Variants in TSFM observed in about 807,000 individuals in gnomAD.
TSFM encodes Ts translation elongation factor, mitochondrial, also known as elongation factor Ts, mitochondrial.
Under a neutral mutation model 33.4 loss-of-function variants are expected in TSFM, and 29 were observed. The ratio of observed to expected loss-of-function variants is 0.87; its 90% CI spans 0.65 to 1.18. TSFM has a LOEUF of 1.18. Among genes scored for constraint, TSFM ranks in the 50% most tolerant of loss-of-function variants. TSFM has a pLI of 0.00. For synonymous variants in TSFM, 178 were observed against 163.5 expected, an observed-to-expected ratio of 1.09 and a Z score of -0.68; for missense variants, 394 against 395.6, an observed-to-expected ratio of 1.00 and a Z score of 0.04.
At chr12:57,801,985 T>TA (rs1378886742), downstream of TSFM, among the ~76,000 whole-genome samples, 3 of 152,334 alleles carry the variant, frequency 2.0e-5, no homozygotes, top group African/African-American at 4.8e-5. Flanking sequence ...CACCTGGACT[T>TA]ACTGCTGTGG....
At chr12:57,789,916 T>C (rs957488341) in intron 4 of TSFM, among the ~76,000 whole-genome samples, 5 of 152,330 alleles carry the variant, frequency 3.3e-5, no homozygotes, top group East Asian at 3.9e-4. Flanking sequence ...TTTTTGTTTA[T>C]TCTTATCTTT....
intron 4 of TSFM, among the ~76,000 whole-genome samples, chr12:57,789,285 T>C (rs1487837171): frequency 1.3e-5 from 2 of 151,626 alleles, no homozygotes; most frequent in Non-Finnish European, 2.9e-5. Context: ...TTAAAAAAAA[T>C]CTTTTTGTAA....
At chr12:57,783,372 G>T (rs1955540598) in intron 2 of TSFM, 89 bp downstream of exon 2, 1 of 1,473,468 alleles carries the variant, frequency 6.8e-7, no homozygotes, top group African/African-American at 1.4e-5. Context: ...AAGTTAGACT[G>T]CTCTTCAGTG....
In TSFM at chr12:57,797,049, G is replaced by C. The variant is rs565260569; in HGVS notation, c.*466G>C. 1 of 985,526 alleles carries C rather than the reference G, an allele frequency of 1.0e-6. No homozygotes were observed. Among genetic ancestry groups the C allele is most frequent in the East Asian group, 1.1e-4 (1 of 8,822 alleles). 61.0% of individuals were successfully genotyped at this position (985,526 alleles called of 1,614,324 possible). ...ACCTAGAGTTGTCTGGAAAATGTGG[G>C]TTCTCTTCTTTGTGATTGTCTGTAG... On this transcript the variant is annotated 3_prime_UTR_variant, in exon 6 of 6. Coordinates refer to ENST00000652027, the MANE Select transcript of TSFM (RefSeq NM_005726.6).
downstream of TSFM, chr12:57,797,894 C>G (rs765241227): frequency 6.8e-6 from 11 of 1,611,970 alleles, no homozygotes; most frequent in Non-Finnish European, 9.3e-6. Context: ...AGAAAAGCCC[C>G]TTTTCTTTCT....
At chr12:57,789,176 G>A (rs1381947460) in intron 4 of TSFM, among the ~76,000 whole-genome samples, 4 of 151,884 alleles carry the variant, frequency 2.6e-5, no homozygotes, top group Non-Finnish European at 5.9e-5. Context: ...TGTTGGCCAG[G>A]CTGGTCTTGA....
At chr12:57,790,897 G>C (rs1279791850) in intron 4 of TSFM, among the ~76,000 whole-genome samples, 1 of 151,036 alleles carries the variant, frequency 6.6e-6, no homozygotes, top group East Asian at 1.9e-4. Flanking sequence ...ATAGAGATGA[G>C]GTTTCACCAT....
downstream of TSFM, chr12:57,800,725 A>T (rs1955828287): frequency 6.4e-6 from 1 of 155,842 alleles, no homozygotes; most frequent in African/African-American, 2.4e-5. Context: ...CTCCTGTCTC[A>T]GCCTCCCGAG....
chr12:57,802,192 A>C (rs1208169324), downstream of TSFM: 1 of 1,613,894 alleles, frequency 6.2e-7, no homozygotes, highest in Admixed American at 1.7e-5. Context: ...GCTAGGAACC[A>C]GCCTGTGAAG....
chr12:57,792,541 G>T (rs1211996903), intron 4 of TSFM, among the ~76,000 whole-genome samples: 2 of 151,990 alleles, frequency 1.3e-5, no homozygotes, highest in African/African-American at 4.8e-5. Context: ...TAACATTCTT[G>T]CCTTTATGAA....
chr12:57,795,598 A>G (rs1420781902), intron 5 of TSFM, among the ~76,000 whole-genome samples: 1 of 152,098 alleles, frequency 6.6e-6, no homozygotes, highest in African/African-American at 2.4e-5. Context: ...ACCACAACCT[A>G]TACAACCTAT....
chr12:57,787,927 A>AG (rs1210731633), intron 4 of TSFM, among the ~76,000 whole-genome samples: 1 of 152,046 alleles, frequency 6.6e-6, no homozygotes, highest in Non-Finnish European at 1.5e-5. Flanking sequence ...GAAAAAAAAA[A>AG]AGAGAGAGAG....
downstream of TSFM, chr12:57,799,671 G>T: frequency 7.2e-7 from 1 of 1,383,752 alleles, no homozygotes; most frequent in Non-Finnish European, 9.8e-7. Context: ...TGAGTTCCTA[G>T]GTAGCTCAGA....
chr12:57,801,271 T>C (rs1463093771), downstream of TSFM: 1 of 1,421,970 alleles, frequency 7.0e-7, no homozygotes, highest in Non-Finnish European at 9.9e-7. Context: ...AGGGACATCT[T>C]AGGTCTGGTC....
chr12:57,791,273 G>T (rs1955658925), intron 4 of TSFM, among the ~76,000 whole-genome samples: 1 of 152,176 alleles, frequency 6.6e-6, no homozygotes, highest in Non-Finnish European at 1.5e-5. Flanking sequence ...GCCTCCCAAA[G>T]TGCTGAGATT....
chr12:57,784,177 A>T, intron 2 of TSFM: 1 of 700,742 alleles, frequency 1.4e-6, no homozygotes. Flanking sequence ...AGTGGTAAGT[A>T]TTGTGTATCT....
downstream of TSFM, chr12:57,799,738 G>A (rs2140435112): frequency 6.2e-7 from 1 of 1,608,072 alleles, no homozygotes; most frequent in Non-Finnish European, 8.5e-7. Flanking sequence ...GCTGAGCTGA[G>A]TTTTTTACTC....
Position 57,797,317 on chromosome 12 carries a change from T to C in TSFM, c.*734T>C. On this transcript the variant is annotated 3_prime_UTR_variant, in exon 6 of 6. Transcript: ENST00000652027. Reference sequence around the variant, plus strand: ...TACTTCCCCAGTACTGAAACATTTCTTCAAGTATAACATAAAATTACCGTA... The same window carrying C: ...TACTTCCCCAGTACTGAAACATTTCCTCAAGTATAACATAAAATTACCGTA... 11 of 985,430 alleles carry C rather than the reference T, an allele frequency of 1.1e-5. No homozygotes were observed. The highest frequency in any genetic ancestry group is 1.2e-5 in the Non-Finnish European group (10 of 829,932). 61.0% of individuals were successfully genotyped at this position (985,430 alleles called of 1,614,324 possible).
chr12:57,783,321 C>T (rs377700425), intron 2 of TSFM, 38 bp downstream of exon 2: 5 of 1,612,360 alleles, frequency 3.1e-6, no homozygotes, highest in Non-Finnish European at 1.7e-6. Flanking sequence ...AGTACTAGAG[C>T]TCGACCTCAG....
Sources: gnomAD v4.1 joint callset for allele counts (sites outside exome capture counted in the v4.1 genomes callset) on GRCh38, gnomAD v4.1.1 for gene constraint, MANE v1.5 for transcripts, NCBI Gene and HGNC (gene_info 2026-07-23, HGNC 2026-07-21) for gene names.